The following FHIT variants were observed in gnomAD, a reference collection of about 807,000 sequenced individuals.
The protein encoded by FHIT is fragile histidine triad diadenosine triphosphatase.
A neutral mutation model predicts 17.9 loss-of-function variants in FHIT; 19 were observed. The ratio of observed to expected loss-of-function variants is 1.06; its 90% confidence interval spans 0.74 to 1.56. FHIT has a LOEUF of 1.56. FHIT is among the 40% of genes most tolerant of loss of function. The pLI, the probability that FHIT is intolerant of heterozygous loss-of-function variation, is 0.00. For synonymous variants in FHIT, 81 were observed against 69.7 expected (o/e 1.16, Z -0.81); for missense variants, 248 against 189.2 (o/e 1.31, Z -1.82).
intron 4 of FHIT, among the ~76,000 whole-genome samples, chr3:60,619,606 A>C (rs1183297896): frequency 7.1e-5 from 2 of 28,206 alleles, no homozygotes; most frequent in African/African-American, 2.6e-4. Flanking sequence ...CATGCAAAAA[A>C]AAAAAAAAAA....
chr3:60,275,801 G>A (rs963099435), intron 5 of FHIT, among the ~76,000 whole-genome samples: 8 of 152,118 alleles, frequency 5.3e-5, no homozygotes, highest in Non-Finnish European at 1.0e-4. Context: ...TTCTCATGTG[G>A]TCTTTCGGCA....
At chr3:60,149,537 A>G (rs1043047005) in intron 5 of FHIT, among the ~76,000 whole-genome samples, 3 of 152,080 alleles carry the variant, frequency 2.0e-5, no homozygotes, top group Admixed American at 1.3e-4. Flanking sequence ...CCGGAGCTCC[A>G]TGGTATCTGG....
chr3:60,978,688 A>T (rs6414611), intron 3 of FHIT, among the ~76,000 whole-genome samples: 151,214 of 152,298 alleles, frequency 0.99, 75,073 homozygotes, highest in East Asian at 1. Flanking sequence ...CTCTCAGGGC[A>T]GCTACAAGGA....
chr3:61,033,413 T>C (rs909646312), intron 3 of FHIT, among the ~76,000 whole-genome samples: 1 of 152,114 alleles, frequency 6.6e-6, no homozygotes, highest in Non-Finnish European at 1.5e-5. Context: ...AAAGACTGAG[T>C]AGGAAAAAAA....
chr3:60,788,359 A>G (rs1700655633), intron 4 of FHIT, among the ~76,000 whole-genome samples: 1 of 152,164 alleles, frequency 6.6e-6, no homozygotes, highest in Non-Finnish European at 1.5e-5. Context: ...CCTAGGGGCA[A>G]TGGTTCATTA....
At chr3:60,097,463 C>G (rs566389192) in intron 5 of FHIT, among the ~76,000 whole-genome samples, 28 of 152,168 alleles carry the variant, frequency 1.8e-4, no homozygotes, top group African/African-American at 6.5e-4. Context: ...ACAGGTCTAC[C>G]TTGAACAACA....
At chr3:60,650,639 T>C (rs1202828934) in intron 4 of FHIT, among the ~76,000 whole-genome samples, 1 of 152,174 alleles carries the variant, frequency 6.6e-6, no homozygotes, top group African/African-American at 2.4e-5. Flanking sequence ...GAGAAATACT[T>C]TCAATAATGG....
intron 1 of FHIT, among the ~76,000 whole-genome samples, chr3:61,207,179 A>G (rs2039268429): frequency 6.6e-6 from 1 of 152,274 alleles, no homozygotes; most frequent in Middle Eastern, 3.4e-3. Context: ...CCACTTGATC[A>G]TGGTGGATAA....
At chr3:60,465,496 C>T (rs1427713195) in intron 5 of FHIT, among the ~76,000 whole-genome samples, 1 of 151,980 alleles carries the variant, frequency 6.6e-6, no homozygotes, top group Non-Finnish European at 1.5e-5. Flanking sequence ...CCCCCAGTGT[C>T]TTCTTGTAGA....
intron 8 of FHIT, among the ~76,000 whole-genome samples, chr3:59,893,545 A>G (rs891652626): frequency 6.6e-6 from 1 of 152,268 alleles, no homozygotes; most frequent in Non-Finnish European, 1.5e-5. Flanking sequence ...GTCTGGGACC[A>G]GCAATATGGC....
chr3:60,537,083 G>C lies in FHIT; in HGVS notation c.-17-104C>G, dbSNP rs993849780. On this transcript the variant is annotated intron_variant, in intron 4 of 9. Transcript: ENST00000492590. Reference sequence around the variant, plus strand: ...CCATTACTACAGATTCTTAGTTGCAGAGAGGATGCCATTGAAATTGTTCCT... The same window carrying C: ...CCATTACTACAGATTCTTAGTTGCACAGAGGATGCCATTGAAATTGTTCCT... The C allele has an allele frequency of 1.2e-5, 11 of 898,026 alleles. No individual in the cohort carries two copies. In the African/African-American group the frequency reaches 1.7e-4, roughly 14 times the overall value. 55.6% of individuals were successfully genotyped at this position (898,026 alleles called of 1,614,324 possible).
At position 60,516,840 on chromosome 3, in the gene FHIT, G is replaced by A. The variant is rs960763978; in HGVS notation, c.103+20020C>T. Among the ~76,000 whole-genome samples the A allele has an allele frequency of 3.3e-4, 50 of 152,200 alleles. 1 individual carries two copies. The highest frequency in any genetic ancestry group is 7.3e-5 in the Non-Finnish European group (5 of 68,034). On this transcript the variant is annotated intron_variant, in intron 5 of 9. Coordinates refer to ENST00000492590, the MANE Select transcript of FHIT (RefSeq NM_002012.4). Reference sequence around the variant, plus strand: ...AATGACAGGGATCACTTGAGCGAAAGTGATCAATTACACCCATGTTATAAT... The same window carrying A: ...AATGACAGGGATCACTTGAGCGAAAATGATCAATTACACCCATGTTATAAT...
intron 8 of FHIT, among the ~76,000 whole-genome samples, chr3:59,916,792 G>C (rs999004481): frequency 4.6e-5 from 7 of 152,158 alleles, no homozygotes; most frequent in Non-Finnish European, 8.8e-5. Context: ...TTATTTGTTA[G>C]TTTTATCACA....
At chr3:60,362,597 CAACATGAGA>C (rs1699949106) in intron 5 of FHIT, among the ~76,000 whole-genome samples, 1 of 152,178 alleles carries the variant, frequency 6.6e-6, no homozygotes, top group African/African-American at 2.4e-5. Flanking sequence ...ATTAAATCAT[CAACATGAGA>C]AACATGAGAT....
chr3:59,817,033 A>G (rs1700623494), intron 8 of FHIT, among the ~76,000 whole-genome samples: 1 of 152,198 alleles, frequency 6.6e-6, no homozygotes, highest in South Asian at 2.1e-4. Flanking sequence ...GGGAGCAGGT[A>G]GAAGCAGATG....
At chr3:60,643,824 TATC>T (rs2039787087) in intron 4 of FHIT, among the ~76,000 whole-genome samples, 3 of 152,324 alleles carry the variant, frequency 2.0e-5, no homozygotes, top group Admixed American at 6.5e-5. Flanking sequence ...AGAAATAACT[TATC>T]ATCATTAGAA....
Position 60,510,409 on chromosome 3 carries a change from C to G in FHIT, c.103+26451G>C, listed in dbSNP as rs185886572. Among the ~76,000 whole-genome samples, 25 of 152,290 alleles carry G rather than the reference C, an allele frequency of 1.6e-4. No individual in the cohort carries two copies. The Middle Eastern group carries it at 0.017, about 104-fold the overall frequency. On this transcript the variant is annotated intron_variant, in intron 5 of 9. Transcript: ENST00000492590. ...GTTTTCCTTTAGGAATTTTAGGACCCCCTAAGAAGTATTCTCTCTTCTACA... is the reference window on the plus strand; with the variant it reads ...GTTTTCCTTTAGGAATTTTAGGACCGCCTAAGAAGTATTCTCTCTTCTACA...
At chr3:60,022,989 A>G (rs1384045947) in intron 5 of FHIT, among the ~76,000 whole-genome samples, 1 of 152,202 alleles carries the variant, frequency 6.6e-6, no homozygotes, top group Admixed American at 6.5e-5. Context: ...AGTACTGAAA[A>G]GGAAAATTAA....
At chr3:60,982,288 C>T (rs1425296577) in intron 3 of FHIT, among the ~76,000 whole-genome samples, 1 of 152,262 alleles carries the variant, frequency 6.6e-6, no homozygotes, top group Non-Finnish European at 1.5e-5. Context: ...AAGTCCACTG[C>T]TTCCCATGAG....
Sources: gnomAD v4.1 joint callset for allele counts (sites outside exome capture counted in the v4.1 genomes callset) on GRCh38, gnomAD v4.1.1 for gene constraint, MANE v1.5 for transcripts, NCBI Gene and HGNC (gene_info 2026-07-23, HGNC 2026-07-21) for gene names.